The following KHDRBS1 variants were observed in gnomAD, a reference collection of about 807,000 sequenced individuals.
KHDRBS1 encodes the protein KH RNA binding domain containing, signal transduction associated 1.
KHDRBS1 carries 7 observed loss-of-function variants against 48.4 expected under a neutral mutation model. That is an observed-to-expected ratio of 0.14 (90% CI 0.08 to 0.27). The LOEUF is 0.27. Among genes scored for constraint, KHDRBS1 ranks in the 10% least tolerant of loss-of-function variants. The probability of loss-of-function intolerance (pLI) is 1.00; values close to 1 mark genes in which losing one functional copy is unlikely to be tolerated. For synonymous variants in KHDRBS1, 241 were observed against 235.8 expected (o/e 1.02, Z -0.20); for missense variants, 458 against 601.2 (o/e 0.76, Z 2.49).
chr1:32,042,624 A>T lies in KHDRBS1; in HGVS notation c.1332A>T (p.Ter444TyrextTer4). 1 of 1,579,642 alleles carries T rather than the reference A, an allele frequency of 6.3e-7. No homozygotes were observed. Residue 444 changes from the stop codon to tyrosine, a stop_lost, in exon 9 of 9, where the codon TAA becomes TAT. Transcript: ENST00000327300. ...AYREHPYGRY[*>Y] ...GAGAGCACCCATATGGACGTTATTA[A>T]AAACAAACATGAGGGGAAAATATCA...
Position 32,037,863 on chromosome 1 carries a change from G to A in KHDRBS1, c.934G>A (p.Ala312Thr). 7 of 1,614,202 alleles carry A rather than the reference G, an allele frequency of 4.3e-6. No homozygotes were observed. In the South Asian group the frequency reaches 6.6e-5, roughly 15 times the overall value. Residue 312 changes from alanine to threonine, a missense_variant, in exon 6 of 9, where the codon GCT becomes ACT. Physicochemically the swap from Ala to Thr is moderately conservative, Grantham distance 58. Transcript: ENST00000327300. Reference protein sequence around the residue: ...RGRGVGPPRGALVRGTPVRGA... With the variant: ...RGRGVGPPRGTLVRGTPVRGA... Reference sequence around the variant, plus strand: ...CCGTGGTGTTGGACCACCTCGGGGGGCTTTGGTACGTGGTACACCAGTAAG... The same window carrying A: ...CCGTGGTGTTGGACCACCTCGGGGGACTTTGGTACGTGGTACACCAGTAAG...
intron 10 of KHDRBS1, among the ~76,000 whole-genome samples, chr1:32,058,074 C>T (rs1451327218): frequency 6.6e-6 from 1 of 151,276 alleles, no homozygotes; most frequent in African/African-American, 2.4e-5. Flanking sequence ...GCCGAGATCG[C>T]ACCACCGTAC....
intron 1 of KHDRBS1, among the ~76,000 whole-genome samples, chr1:32,024,628 G>A (rs939932609): frequency 1.3e-5 from 2 of 152,120 alleles, no homozygotes; most frequent in Admixed American, 6.5e-5. Context: ...TGCCCAGCCA[G>A]GCGTGGGTTT....
chr1:32,034,627 A>T (rs956380966), intron 4 of KHDRBS1, among the ~76,000 whole-genome samples: 6 of 152,062 alleles, frequency 3.9e-5, no homozygotes, highest in African/African-American at 1.2e-4. Context: ...AAGGATTCCA[A>T]CAGTCTCAAA....
In KHDRBS1 at chr1:32,034,704, G is replaced by A. The variant is rs370767908; in HGVS notation, c.771+1370G>A. ...TAGAATGTTCAACATGAGGCAGGGCGCGGTGGCTCACACCTGTAATCCCAG... is the reference window on the plus strand; with the variant it reads ...TAGAATGTTCAACATGAGGCAGGGCACGGTGGCTCACACCTGTAATCCCAG... On this transcript the variant is annotated intron_variant, in intron 4 of 8. Transcript: ENST00000327300. 1.9e-4 allele frequency among the ~76,000 whole-genome samples: 29 copies of A among 151,938 alleles called. No homozygotes were observed. In the East Asian group the frequency reaches 2.5e-3, roughly 13 times the overall value.
intron 2 of KHDRBS1, among the ~76,000 whole-genome samples, chr1:32,030,706 C>T (rs766004946): frequency 6.6e-6 from 1 of 152,014 alleles, no homozygotes; most frequent in Non-Finnish European, 1.5e-5. Flanking sequence ...AAATTAAAAC[C>T]TGAAGAGTTG....
intron 10 of KHDRBS1, among the ~76,000 whole-genome samples, chr1:32,059,459 T>C (rs1639519286): frequency 6.6e-6 from 1 of 151,878 alleles, no homozygotes; most frequent in Non-Finnish European, 1.5e-5. Flanking sequence ...AGGATCACTT[T>C]AGCCCAGGAG....
At chr1:32,018,770 C>G (rs1351465757) in intron 1 of KHDRBS1, among the ~76,000 whole-genome samples, 1 of 149,530 alleles carries the variant, frequency 6.7e-6, no homozygotes, top group African/African-American at 2.5e-5. Flanking sequence ...AACAAACAAA[C>G]AAACAAACTG....
At chr1:32,029,205 C>T (rs1401038571) in intron 1 of KHDRBS1, among the ~76,000 whole-genome samples, 3 of 152,076 alleles carry the variant, frequency 2.0e-5, no homozygotes, top group Admixed American at 1.3e-4. Context: ...TCTTAACCCG[C>T]GAATTGAAAG....
downstream of KHDRBS1, among the ~76,000 whole-genome samples, chr1:32,048,708 GATATA>G (rs1639383546): frequency 6.6e-6 from 1 of 152,102 alleles, no homozygotes. Flanking sequence ...ACTTTATTGA[GATATA>G]ATTCACATAC....
chr1:32,021,929 G>A (rs1232083673), intron 1 of KHDRBS1, among the ~76,000 whole-genome samples: 1 of 151,484 alleles, frequency 6.6e-6, no homozygotes, highest in Non-Finnish European at 1.5e-5. Context: ...GGGATTATAG[G>A]CGTGAGGCAC....
chr1:32,046,693 G>A (rs571366550), downstream of KHDRBS1, among the ~76,000 whole-genome samples: 1 of 152,312 alleles, frequency 6.6e-6, no homozygotes, highest in East Asian at 1.9e-4. Flanking sequence ...GCTCTGAGGT[G>A]TTAGGATTAG....
chr1:32,050,601 C>T (rs1010802101), intron 10 of KHDRBS1, among the ~76,000 whole-genome samples: 5 of 151,902 alleles, frequency 3.3e-5, no homozygotes, highest in Non-Finnish European at 5.9e-5. Flanking sequence ...CAACCTCCAG[C>T]TCCCGGGTTC....
At chr1:32,034,929 C>T (rs886070502) in intron 4 of KHDRBS1, among the ~76,000 whole-genome samples, 2 of 149,704 alleles carry the variant, frequency 1.3e-5, no homozygotes, top group African/African-American at 2.5e-5. Context: ...TGCAGTGAGC[C>T]GAGATTGCGC....
At chr1:32,020,616 T>TAAA (rs970503623) in intron 1 of KHDRBS1, among the ~76,000 whole-genome samples, 11 of 77,506 alleles carry the variant, frequency 1.4e-4, no homozygotes, top group Admixed American at 2.9e-4. Flanking sequence ...TACTGTGCAA[T>TAAA]AAAAAAAAAA....
At chr1:32,032,889 C>G (rs1456117628) in intron 3 of KHDRBS1, among the ~76,000 whole-genome samples, 2 of 152,176 alleles carry the variant, frequency 1.3e-5, no homozygotes, top group Non-Finnish European at 2.9e-5. Context: ...GGGGCTTCAT[C>G]ACATTGGTCA....
At chr1:32,048,112 C>T (rs982844871), downstream of KHDRBS1, among the ~76,000 whole-genome samples, 24 of 152,294 alleles carry the variant, frequency 1.6e-4, no homozygotes, top group African/African-American at 5.5e-4. Context: ...TTGAATGAGA[C>T]CTGTACCTCA....
intron 4 of KHDRBS1, among the ~76,000 whole-genome samples, chr1:32,034,718 C>T (rs1269590975): frequency 6.6e-6 from 1 of 152,062 alleles, no homozygotes; most frequent in Non-Finnish European, 1.5e-5. Flanking sequence ...TGGCTCACAC[C>T]TGTAATCCCA....
At chr1:32,042,425 G>A (rs1639296870) in intron 8 of KHDRBS1, 102 bp from the exon 9 acceptor site, 1 of 736,200 alleles carries the variant, frequency 1.4e-6, no homozygotes, top group African/African-American at 1.7e-5. Flanking sequence ...GACATTAGAA[G>A]AAACTCAGTG....
Sources: gnomAD v4.1 joint callset for allele counts (sites outside exome capture counted in the v4.1 genomes callset) on GRCh38, gnomAD v4.1.1 for gene constraint, MANE v1.5 for transcripts, NCBI Gene and HGNC (gene_info 2026-07-23, HGNC 2026-07-21) for gene names.